The following PRPF8 variants were observed in gnomAD, a reference collection of about 807,000 sequenced individuals.
The protein encoded by PRPF8 is pre-mRNA-processing-splicing factor 8.
In PRPF8, 64 loss-of-function variants were observed where a neutral mutation model predicts 285.9. The ratio of observed to expected loss-of-function variants is 0.22; its 90% CI spans 0.18 to 0.28. The LOEUF (loss-of-function observed/expected upper bound fraction) is 0.28. Among genes scored for constraint, PRPF8 ranks in the 10% least tolerant of loss-of-function variants. The pLI is 1.00. For missense variants in PRPF8, 1,426 were observed against 3,026.7 expected, an observed-to-expected ratio of 0.47 and a Z score of 12.41; for synonymous variants, 1,325 against 1,118.2, an observed-to-expected ratio of 1.18 and a Z score of -3.69.
rs542673699 is a variant in PRPF8, at chr17:1,680,445, A to G, written c.1098+281T>C. On this transcript the variant is annotated intron_variant, in intron 8 of 42. Transcript: ENST00000304992. ...GTATGTTAACTACATCTCAATATAA[A>G]GGCTAAAACAAACAAACACAATAGA... 1.3e-5 allele frequency: 7 copies of G among 530,388 alleles called. No individual in the cohort carries two copies. In the East Asian group the frequency reaches 1.7e-4, roughly 13 times the overall value. 32.9% of individuals were successfully genotyped at this position (530,388 alleles called of 1,614,324 possible).
intron 24 of PRPF8, among the ~76,000 whole-genome samples, chr17:1,665,404 G>C (rs903245947): frequency 6.6e-6 from 1 of 151,742 alleles, no homozygotes; most frequent in Middle Eastern, 3.2e-3. Flanking sequence ...TGAGCATGGT[G>C]GCAGGCGACT....
chr17:1,654,256 C>A, intron 37 of PRPF8: 1 of 624,910 alleles, frequency 1.6e-6, no homozygotes. Context: ...TCCATAAACC[C>A]TACGCTTCCT....
rs1912642765 is a variant in PRPF8 at position 1,677,114 on chromosome 17, A to G, written c.2043T>C (p.Phe681=). 2 of 1,613,920 alleles carry G rather than the reference A, an allele frequency of 1.2e-6. No individual in the cohort carries two copies. Among genetic ancestry groups the G allele is most frequent in the Non-Finnish European group, 1.7e-6 (2 of 1,179,984 alleles). Reference sequence around the variant, plus strand: ...TCACAGCTGCCCGCAGCTCAAGGTCAAAATGTGACTCCACTCGCTGCTTTG... The same window carrying G: ...TCACAGCTGCCCGCAGCTCAAGGTCGAAATGTGACTCCACTCGCTGCTTTG... ...TVTKQRVESH[F]DLELRAAVMH... is the part of the protein sequence containing the mutation. Residue 681 remains phenylalanine, a synonymous_variant, in exon 15 of 43, where the codon TTT becomes TTC. Coordinates refer to ENST00000304992, the MANE Select transcript of PRPF8 (RefSeq NM_006445.4).
At chr17:1,663,240 A>G (rs774565733) in intron 24 of PRPF8, among the ~76,000 whole-genome samples, 20 of 152,180 alleles carry the variant, frequency 1.3e-4, no homozygotes, top group Non-Finnish European at 2.2e-4. Flanking sequence ...AAGTGGAGAT[A>G]AAGTCACAAA....
chr17:1,666,152 CGAGACTCT>C (rs1911972702), intron 24 of PRPF8, among the ~76,000 whole-genome samples: 2 of 146,272 alleles, frequency 1.4e-5, no homozygotes, highest in South Asian at 4.2e-4. Flanking sequence ...AGTGACAGGG[CGAGACTCT>C]GTCTCAAAAA....
chr17:1,667,659 TCA>T (rs1433046178), intron 24 of PRPF8, among the ~76,000 whole-genome samples: 7 of 151,616 alleles, frequency 4.6e-5, no homozygotes, highest in Non-Finnish European at 1.5e-5. Context: ...TTCTCCTGCT[TCA>T]GTCTCCAGAG....
intron 3 of PRPF8, chr17:1,683,087 C>CAAA: frequency 5.1e-6 from 1 of 195,426 alleles, no homozygotes. Flanking sequence ...GTTCCGCCTC[C>CAAA]CAGGTTCACG....
chr17:1,667,527 C>T (rs1330437606), intron 24 of PRPF8, among the ~76,000 whole-genome samples: 1 of 150,926 alleles, frequency 6.6e-6, no homozygotes, highest in Admixed American at 6.6e-5. Flanking sequence ...TAGAACTTGC[C>T]CATGACATAG....
At position 1,651,031 on chromosome 17, in the gene PRPF8, A is replaced by C; in HGVS notation, c.6854-75T>G. ...AGCCTGCGCCACCTCCAAGCCAGCCAGGCCCCAAGTGCAAAGGGCGATGGC... is the reference window on the plus strand; with the variant it reads ...AGCCTGCGCCACCTCCAAGCCAGCCCGGCCCCAAGTGCAAAGGGCGATGGC... On this transcript the variant is annotated intron_variant, in intron 42 of 42. Transcript: ENST00000304992. This position sits in a 1 kb window ranked among gnomAD's most constrained non-coding sequence, Gnocchi z 5.1. 1.2e-6 allele frequency: 2 copies of C among 1,613,972 alleles called. No individual in the cohort carries two copies. The highest frequency in any genetic ancestry group is 1.7e-6 in the Non-Finnish European group (2 of 1,179,820).
Position 1,651,835 on chromosome 17 carries a change from C to G in PRPF8, c.6370-47G>C, listed in dbSNP as rs1250536707. 6.2e-7 allele frequency: 1 copy of G among 1,604,480 alleles called. No individual in the cohort carries two copies. The highest frequency in any genetic ancestry group is 8.5e-7 in the Non-Finnish European group (1 of 1,172,310). On this transcript the variant is annotated intron_variant, in intron 39 of 42. Transcript: ENST00000304992. This position sits in a 1 kb window ranked among gnomAD's most constrained non-coding sequence, Gnocchi z 5.1. ...ACCAAAACTCTTCTTAGTACCAGGT[C>G]AGAGTTGGAGCTGCCAGCCCTCTGT...
Position 1,681,478 on chromosome 17 carries a change from T to C in PRPF8, c.866A>G (p.Gln289Arg), listed in dbSNP as rs751815836. 1 of 1,571,866 alleles carries C rather than the reference T, an allele frequency of 6.4e-7. No individual in the cohort carries two copies. The highest frequency in any genetic ancestry group is 8.8e-7 in the Non-Finnish European group (1 of 1,141,544). ...AAAATCCCTAATCTCTCCAACTCACTGTAGGTTGATGTCTCGAACAAGAGG... is the reference window on the plus strand; with the variant it reads ...AAAATCCCTAATCTCTCCAACTCACCGTAGGTTGATGTCTCGAACAAGAGG... ...FEPLVRDINL[Q>R]DEDWNEFNDI... The change falls in exon 6 of 43, where the codon CAG (glutamine) becomes CGG (arginine). Residue 289 changes from glutamine to arginine, a missense_variant and splice_region_variant. Gln to Arg is a conservative substitution (Grantham distance 43). Around this residue, in one of 34 missense-constraint regions of PRPF8, gnomAD observed 157 missense variants for 159.6 expected, o/e 0.98. Transcript: ENST00000304992.
chr17:1,672,229 T>C (rs1912363060), intron 24 of PRPF8, among the ~76,000 whole-genome samples: 1 of 152,070 alleles, frequency 6.6e-6, no homozygotes, highest in Non-Finnish European at 1.5e-5. Flanking sequence ...GCAAGAAAAA[T>C]GTTATAGCTA....
rs767606975 is a variant in PRPF8, at chr17:1,684,528, G to A, written c.44C>T (p.Pro15Leu). 5.0e-6 allele frequency: 8 copies of A among 1,612,626 alleles called. No homozygotes were observed. Among genetic ancestry groups the A allele is most frequent in the East Asian group, 2.2e-5 (1 of 44,872 alleles). The change falls in exon 2 of 43, where the codon CCT (proline) becomes CTT (leucine). Residue 15 changes from proline to leucine, a missense_variant. This residue lies in a region of PRPF8 where 72 missense variants were observed against 80.0 expected (regional missense o/e 0.90). Transcript: ENST00000304992. Reference sequence around the variant, plus strand: ...GTCCGGTAGCGGGGCTAGAGGGCCAGGCACCGGGTTACCCGGCCCTCGATA... The same window carrying A: ...GTCCGGTAGCGGGGCTAGAGGGCCAAGCACCGGGTTACCCGGCCCTCGATA... ...FPYRGPGNPV[P>L]GPLAPLPDYM...
At chr17:1,674,408 C>T (rs1190010337) in intron 21 of PRPF8, 34 bp downstream of exon 21, 1 of 1,598,490 alleles carries the variant, frequency 6.3e-7, no homozygotes, top group Admixed American at 1.7e-5. Context: ...TGCCTCAGTA[C>T]CCTGCAAGGC....
At position 1,656,431 on chromosome 17, in the gene PRPF8, G is replaced by A; in HGVS notation, c.5754C>T (p.Asn1918=). The part of the protein sequence containing the change: ...KATEPQMVLF[N]LYDDWLKTIS... ...TAGTCTTGAGCCAGTCGTCATAGAG[G>A]TTGAAGAGAACCATCTGGGGCTCAG... is the stretch of plus-strand genomic sequence containing the variant. The change falls in exon 36 of 43, where the codon AAC becomes AAT. Residue 1918 remains asparagine, a synonymous_variant. Transcript: ENST00000304992. 4.3e-6 allele frequency: 7 copies of A among 1,614,196 alleles called. No homozygotes were observed. The highest frequency in any genetic ancestry group is 5.9e-6 in the Non-Finnish European group (7 of 1,180,052).
At position 1,675,896 on chromosome 17, in the gene PRPF8, A is replaced by C. The variant is rs1024168258; in HGVS notation, c.2679+32T>G. On this transcript the variant is annotated intron_variant, in intron 18 of 42. Coordinates refer to ENST00000304992, the MANE Select transcript of PRPF8 (RefSeq NM_006445.4). This position sits in a 1 kb window ranked among gnomAD's most constrained non-coding sequence, Gnocchi z 6.0. ...AAAGGCAACTGCTACCTTTGGTAGA[A>C]CCAAAAAGAAAACTTGGGAGGCCTC... The C allele has an allele frequency of 3.1e-6, 5 of 1,613,618 alleles. No individual in the cohort carries two copies. In the African/African-American group the frequency reaches 6.7e-5, roughly 22 times the overall value.
rs371143117 is a variant in PRPF8, at chr17:1,679,026, G to C, written c.1590C>G (p.Leu530=). The C allele has an allele frequency of 7.4e-6, 12 of 1,613,998 alleles. No homozygotes were observed. The highest frequency in any genetic ancestry group is 9.3e-6 in the Non-Finnish European group (11 of 1,180,042). Residue 530 remains leucine, a synonymous_variant, in exon 11 of 43, where the codon CTC becomes CTG. Transcript: ENST00000304992. This position sits in a 1 kb window ranked among gnomAD's most constrained non-coding sequence, Gnocchi z 4.7. Reference sequence around the variant, plus strand: ...GGTCCAATGCAGGCACCTTGGTGGTGAGCGTTTTCACAGGCTTGAGGTTGA... The same window carrying C: ...GGTCCAATGCAGGCACCTTGGTGGTCAGCGTTTTCACAGGCTTGAGGTTGA... ...YNFNLKPVKT[L]TTKERKKSRF...
intron 30 of PRPF8, 57 bp from the exon 31 acceptor site, chr17:1,660,058 G>T: frequency 6.4e-7 from 1 of 1,569,174 alleles, no homozygotes; most frequent in Non-Finnish European, 8.8e-7. Flanking sequence ...TAAAATCAGA[G>T]TTTGTACAAT....
intron 14 of PRPF8, 73 bp downstream of exon 14, chr17:1,677,492 G>C: frequency 6.2e-7 from 1 of 1,605,812 alleles, no homozygotes; most frequent in African/African-American, 1.3e-5. Context: ...CAAGAGCAGG[G>C]AACAGACTCA....
Sources: gnomAD v4.1 joint callset for allele counts (sites outside exome capture counted in the v4.1 genomes callset) on GRCh38, gnomAD v4.1.1 for gene constraint, gnomAD v4.1.1 regional missense constraint, Gnocchi (gnomAD v3.1) non-coding constraint, MANE v1.5 for transcripts, NCBI Gene and HGNC (gene_info 2026-07-23, HGNC 2026-07-21) for gene names.